RICTOR: variants seen among roughly 807,000 people sequenced by gnomAD.
RICTOR encodes RPTOR independent companion of MTOR complex 2, also known as rapamycin-insensitive companion of mTOR.
In RICTOR, 49 loss-of-function variants were observed where a neutral mutation model predicts 214.9. The observed-to-expected ratio is 0.23, with a 90% CI of 0.18 to 0.29. RICTOR has a LOEUF of 0.29. RICTOR is among the 10% of genes least tolerant of loss of function. RICTOR has a pLI of 1.00. For missense variants in RICTOR, 1,625 were observed against 2,047.0 expected (o/e 0.79, Z 3.98); for synonymous variants, 717 against 711.3 (o/e 1.01, Z -0.13).
chr5:38,953,781 T>C (rs1749000524), intron 27 of RICTOR, among the ~76,000 whole-genome samples: 3 of 151,850 alleles, frequency 2.0e-5, no homozygotes, highest in Admixed American at 2.0e-4. Context: ...AGTTACTTCA[T>C]CTCCTCATCC....
intron 32 of RICTOR, 23 bp from the exon 33 acceptor site, chr5:38,946,575 G>T: frequency 3.5e-6 from 5 of 1,418,804 alleles, no homozygotes; most frequent in Admixed American, 1.7e-5. Context: ...ATAAACCATG[G>T]TAAGTCCTGC....
chr5:39,055,421 C>CG (rs1758137872), intron 2 of RICTOR, among the ~76,000 whole-genome samples: 1 of 120,676 alleles, frequency 8.3e-6, no homozygotes, highest in Non-Finnish European at 1.7e-5. Flanking sequence ...GACAATTCCC[C>CG]CCCCCCACTC....
At chr5:39,003,205 CTG>C (rs1394385405) in intron 4 of RICTOR, among the ~76,000 whole-genome samples, 2 of 152,120 alleles carry the variant, frequency 1.3e-5, no homozygotes, top group Non-Finnish European at 2.9e-5. Flanking sequence ...CAAATCAAGT[CTG>C]TTGTAAGCAC....
chr5:39,006,240 G>A (rs894830865), intron 3 of RICTOR, among the ~76,000 whole-genome samples: 14 of 152,132 alleles, frequency 9.2e-5, no homozygotes, highest in African/African-American at 1.9e-4. Flanking sequence ...ATTGTTGCCC[G>A]AGCAGCTTCC....
chr5:38,944,897 G>C lies in RICTOR; in HGVS notation c.4789+16C>G. Reference sequence around the variant, plus strand: ...AGTTTTACTAATAATGATTGGATTTGAATCTGAAGACTCACCTAGTAACAA... The same window carrying C: ...AGTTTTACTAATAATGATTGGATTTCAATCTGAAGACTCACCTAGTAACAA... On this transcript the variant is annotated intron_variant, in intron 35 of 37. Transcript: ENST00000357387. 11 of 1,609,536 alleles carry C rather than the reference G, an allele frequency of 6.8e-6. No individual in the cohort carries two copies. Among genetic ancestry groups the C allele is most frequent in the Non-Finnish European group, 9.3e-6 (11 of 1,176,890 alleles).
At chr5:38,966,514 G>A in intron 15 of RICTOR, 127 bp downstream of exon 15, 1 of 640,578 alleles carries the variant, frequency 1.6e-6, no homozygotes, top group South Asian at 1.9e-5. Context: ...CTAATGCAAA[G>A]ATAAACATTT....
At chr5:38,981,808 G>T in intron 8 of RICTOR, 59 bp downstream of exon 8, 1 of 1,210,180 alleles carries the variant, frequency 8.3e-7, no homozygotes, top group Non-Finnish European at 1.2e-6. Context: ...GTATTTCAAA[G>T]TAAAAGTATA....
rs1554057795 is a variant in RICTOR at position 38,940,153 on chromosome 5, A to AAAAAAAC, written c.*2150_*2151insGTTTTTT. On this transcript the variant is annotated 3_prime_UTR_variant, in exon 38 of 38. Transcript: ENST00000357387. Reference sequence around the variant, plus strand: ...AGTAAAAAAAAAAAACAAAAAAAAAAACACAAAACATTCAGGCCAATACTA... The same window carrying AAAAAAAC: ...AGTAAAAAAAAAAAACAAAAAAAAAAAAAAAACACACAAAACATTCAGGCCAATACTA... The AAAAAAAC allele has an allele frequency of 4.4e-6, 1 of 228,872 alleles. No homozygotes were observed. Among genetic ancestry groups the AAAAAAAC allele is most frequent in the African/African-American group, 2.2e-5 (1 of 44,518 alleles). 14.2% of individuals were successfully genotyped at this position (228,872 alleles called of 1,614,324 possible).
intron 6 of RICTOR, among the ~76,000 whole-genome samples, chr5:38,991,324 A>C (rs1752759000): frequency 6.6e-6 from 1 of 152,102 alleles, no homozygotes; most frequent in Non-Finnish European, 1.5e-5. Flanking sequence ...AAATTCACTG[A>C]CCAAATGTTT....
intron 11 of RICTOR, chr5:38,971,671 G>A (rs779195992): frequency 3.2e-4 from 120 of 375,590 alleles, no homozygotes; most frequent in Admixed American, 2.8e-4. Flanking sequence ...ATGAGCCACC[G>A]TGCCCAGACA....
chr5:39,067,710 T>C (rs951483487), intron 2 of RICTOR, among the ~76,000 whole-genome samples: 1 of 152,186 alleles, frequency 6.6e-6, no homozygotes, highest in African/African-American at 2.4e-5. Flanking sequence ...TTTACACATT[T>C]ATATAATCAC....
intron 2 of RICTOR, 33 bp downstream of exon 2, chr5:39,074,078 C>A: frequency 6.5e-7 from 1 of 1,542,678 alleles, no homozygotes; most frequent in Non-Finnish European, 8.7e-7. Context: ...CCCAGCAGCG[C>A]GCCCTCGCGG....
rs949735862 is a variant in RICTOR at position 39,002,672 on chromosome 5, T to A, written c.261-6A>T. 6.3e-7 allele frequency: 1 copy of A among 1,594,494 alleles called. No individual in the cohort carries two copies. Among genetic ancestry groups the A allele is most frequent in the East Asian group, 2.2e-5 (1 of 44,556 alleles). On this transcript the variant is annotated splice_polypyrimidine_tract_variant and splice_region_variant and intron_variant, in intron 4 of 37. Coordinates refer to ENST00000357387, the MANE Select transcript of RICTOR (RefSeq NM_152756.5). ...TTAATAAAGCTAACCGCAAACTGTA[T>A]GAAAACAAACAAAATACAAGTTTTG...
chr5:39,059,339 T>C (rs896780052), intron 2 of RICTOR, among the ~76,000 whole-genome samples: 1 of 152,034 alleles, frequency 6.6e-6, no homozygotes, highest in Non-Finnish European at 1.5e-5. Flanking sequence ...GCATTAGAGG[T>C]CAGGATAGTG....
chr5:38,959,279 T>C lies in RICTOR; in HGVS notation c.2094A>G (p.Leu698=). Residue 698 remains leucine (L), a synonymous_variant, in exon 22 of 38, where the codon CTA becomes CTG. Transcript: ENST00000357387. ...LCSLKNQDHL[L]KLTVSSLDYS... is the part of the protein sequence containing the mutation. ...AGTCCAAGCTAGAAACAGTAAGTTT[T>C]AGCAAGTGATCTTGGTTTTTCAAGG... 1 of 1,593,060 alleles carries C rather than the reference T, an allele frequency of 6.3e-7. No individual in the cohort carries two copies. Among genetic ancestry groups the C allele is most frequent in the East Asian group, 2.3e-5 (1 of 44,388 alleles).
At chr5:38,952,924 T>C (rs1007668646) in intron 29 of RICTOR, 61 bp downstream of exon 29, 4 of 970,448 alleles carry the variant, frequency 4.1e-6, no homozygotes, top group Non-Finnish European at 6.5e-6. Flanking sequence ...TACTTTCCCC[T>C]AACATCCATT....
chr5:39,012,492 G>A lies in RICTOR; in HGVS notation c.195+8547C>T, dbSNP rs572416965. Among the ~76,000 whole-genome samples, 3 of 152,222 alleles carry A rather than the reference G, an allele frequency of 2.0e-5. No homozygotes were observed. In the South Asian group the frequency reaches 6.2e-4, roughly 32 times the overall value. On this transcript the variant is annotated intron_variant, in intron 3 of 37. Coordinates refer to ENST00000357387, the MANE Select transcript of RICTOR (RefSeq NM_152756.5). ...ATGAAAGATACAAGAAGAAATAGAA[G>A]AACATAGAGTGAGTTAAAACATGGA...
intron 2 of RICTOR, among the ~76,000 whole-genome samples, chr5:39,039,399 G>T (rs1168066574): frequency 1.3e-5 from 2 of 152,096 alleles, no homozygotes; most frequent in Non-Finnish European, 2.9e-5. Context: ...TCAGGACATA[G>T]GCATGGGCAA....
intron 9 of RICTOR, among the ~76,000 whole-genome samples, chr5:38,976,824 A>G (rs1012905318): frequency 9.9e-5 from 15 of 152,198 alleles, no homozygotes; most frequent in African/African-American, 3.6e-4. Flanking sequence ...CCCAATTCTA[A>G]GAAATATCTA....
Sources: gnomAD v4.1 joint callset for allele counts (sites outside exome capture counted in the v4.1 genomes callset) on GRCh38, gnomAD v4.1.1 for gene constraint, MANE v1.5 for transcripts, NCBI Gene and HGNC (gene_info 2026-07-23, HGNC 2026-07-21) for gene names.